Variants in COL24A1 observed in about 807,000 individuals in gnomAD.
COL24A1 encodes the protein collagen alpha-1(XXIV) chain.
In COL24A1, 224 loss-of-function variants were observed where a neutral mutation model predicts 253.9. That is an observed-to-expected ratio of 0.88 (90% CI 0.79 to 0.99). The LOEUF (loss-of-function observed/expected upper bound fraction) is 0.99, where lower values mean the gene tolerates loss of function less well. Ranked by LOEUF, COL24A1 falls within the 50% of genes least tolerant of loss-of-function variation. The probability of loss-of-function intolerance (pLI) is 0.00; values close to 1 mark genes in which losing one functional copy is unlikely to be tolerated. For synonymous variants in COL24A1, 685 were observed against 673.7 expected (o/e 1.02, Z -0.26); for missense variants, 2,131 against 2,068.5 (o/e 1.03, Z -0.59).
intron 32 of COL24A1, among the ~76,000 whole-genome samples, chr1:85,877,877 A>G (rs746501472): frequency 1.3e-5 from 2 of 152,206 alleles, no homozygotes; most frequent in East Asian, 1.9e-4. Context: ...AATATGTGAC[A>G]AACAAATTTG....
chr1:85,961,265 C>T lies in COL24A1; in HGVS notation c.2546G>A (p.Gly849Glu), dbSNP rs188551105. 1 of 1,604,526 alleles carries T rather than the reference C, an allele frequency of 6.2e-7. No individual in the cohort carries two copies. Among genetic ancestry groups the T allele is most frequent in the Non-Finnish European group, 8.5e-7 (1 of 1,172,740 alleles). The change falls in exon 24 of 60, where the codon GGA (glycine) becomes GAA (glutamate). Residue 849 changes from glycine to glutamate, a missense_variant. Transcript: ENST00000370571. Reference protein sequence around the residue: ...KGEVGDQGNIGKIGETGPVGL... With the variant: ...KGEVGDQGNIEKIGETGPVGL... ...TAAGCTTACTGTTTCACCAATTTTT[C>T]CAATATTTCCTTGATCTCCTACTTC...
At chr1:86,148,764 G>C (rs1460546265) in intron 1 of COL24A1, among the ~76,000 whole-genome samples, 2 of 152,074 alleles carry the variant, frequency 1.3e-5, no homozygotes, top group African/African-American at 2.4e-5. Flanking sequence ...GGACATTTGG[G>C]TTGGTTCCAA....
intron 24 of COL24A1, among the ~76,000 whole-genome samples, chr1:85,939,684 G>GT (rs1016108850): frequency 1.8e-4 from 27 of 151,678 alleles, no homozygotes; most frequent in Non-Finnish European, 3.8e-4. Flanking sequence ...CTTTTTATAA[G>GT]TTTTTTTTGG....
chr1:86,000,465 G>A (rs1055881962), intron 19 of COL24A1, among the ~76,000 whole-genome samples: 2 of 152,088 alleles, frequency 1.3e-5, no homozygotes, highest in African/African-American at 4.8e-5. Flanking sequence ...CATGACTTAA[G>A]TGACAATTAA....
At chr1:85,911,882 A>C (rs760136359) in intron 24 of COL24A1, among the ~76,000 whole-genome samples, 2 of 152,078 alleles carry the variant, frequency 1.3e-5, no homozygotes, top group Non-Finnish European at 2.9e-5. Context: ...TTTGGTGCCT[A>C]CTCTGTGCCA....
chr1:86,138,281 G>A (rs973209634), intron 2 of COL24A1, among the ~76,000 whole-genome samples: 1 of 152,104 alleles, frequency 6.6e-6, no homozygotes, highest in Non-Finnish European at 1.5e-5. Context: ...AGTTCTGTGA[G>A]TCCTTCTAAA....
rs74097690 is a variant in COL24A1, at chr1:86,125,318, C to T, written c.1018G>A (p.Glu340Lys). Residue 340 changes from glutamate (E) to lysine (K), a missense_variant, in exon 3 of 60, where the codon GAG becomes AAG. Physicochemically the swap from Glu to Lys is moderately conservative, Grantham distance 56. Coordinates refer to ENST00000370571, the MANE Select transcript of COL24A1 (RefSeq NM_152890.7). Reference protein sequence around the residue: ...HGIQAKEMITEEDTQTNFSLS... With the variant: ...HGIQAKEMITKEDTQTNFSLS... ...CTGAAATTTGTCTGAGTATCTTCCT[C>T]AGTGATCATTTCTTTGGCCTGAATC... 8.5e-3 allele frequency: 13,670 copies of T among 1,613,574 alleles called. 1,013 individuals carry two copies. In the African/African-American group the frequency reaches 0.16, roughly 19 times the overall value.
chr1:85,823,466 C>T (rs1272491058), intron 45 of COL24A1, 70 bp downstream of exon 45: 5 of 1,378,024 alleles, frequency 3.6e-6, no homozygotes, highest in African/African-American at 1.4e-5. Flanking sequence ...TAAATAGTAA[C>T]TCCTTGTGCT....
chr1:85,817,852 G>A (rs1435964347), intron 46 of COL24A1, among the ~76,000 whole-genome samples, 182 bp downstream of exon 46: 3 of 152,108 alleles, frequency 2.0e-5, no homozygotes, highest in East Asian at 1.9e-4. Flanking sequence ...TAAACAGCAA[G>A]TTTGGTTTTG....
chr1:86,091,037 T>C (rs1361653327), intron 6 of COL24A1, among the ~76,000 whole-genome samples: 2 of 152,084 alleles, frequency 1.3e-5, no homozygotes, highest in African/African-American at 4.8e-5. Flanking sequence ...AGTTAAGAAA[T>C]CAAATATATT....
chr1:86,063,785 C>T lies in COL24A1; in HGVS notation c.1708-26G>A, dbSNP rs1395016820. 3.3e-6 allele frequency: 5 copies of T among 1,496,112 alleles called. No homozygotes were observed. The Admixed American group carries it at 1.1e-4, about 32-fold the overall frequency. The allele number at this position is 1,496,112 out of a possible 1,614,324, so 92.7% of individuals were successfully genotyped here. A position where few individuals can be genotyped will look rare whatever the true frequency, so the allele number is the denominator to read the frequency against. ...CTGTAAAAGAATAAGTGGAGACATG[C>T]TATGAAAAGTAAACTCATATAAGCC... On this transcript the variant is annotated intron_variant, in intron 7 of 59. Coordinates refer to ENST00000370571, the MANE Select transcript of COL24A1 (RefSeq NM_152890.7).
At chr1:85,736,896 G>A (rs140933449) in intron 58 of COL24A1, among the ~76,000 whole-genome samples, 41 of 152,136 alleles carry the variant, frequency 2.7e-4, no homozygotes, top group African/African-American at 8.0e-4. Context: ...CGTTCTAAAC[G>A]TTTGATTTAT....
intron 7 of COL24A1, 100 bp downstream of exon 7, chr1:86,089,074 T>C (rs1293371612): frequency 4.0e-5 from 35 of 883,074 alleles, no homozygotes; most frequent in Non-Finnish European, 5.8e-5. Context: ...CCAAGATCCA[T>C]ATATCATCCA....
intron 28 of COL24A1, among the ~76,000 whole-genome samples, chr1:85,903,443 T>C (rs1471343049): frequency 6.6e-6 from 1 of 152,166 alleles, no homozygotes; most frequent in Non-Finnish European, 1.5e-5. Flanking sequence ...TAAGACAAAA[T>C]AAGCTTTACG....
intron 24 of COL24A1, among the ~76,000 whole-genome samples, chr1:85,947,486 T>G (rs1486003863): frequency 1.3e-5 from 2 of 152,242 alleles, no homozygotes; most frequent in African/African-American, 4.8e-5. Context: ...AACTAGAAAC[T>G]TAATGAAAAT....
chr1:85,826,835 T>C (rs1674412729), intron 43 of COL24A1, among the ~76,000 whole-genome samples: 1 of 152,212 alleles, frequency 6.6e-6, no homozygotes, highest in Non-Finnish European at 1.5e-5. Context: ...GCTGAGACAA[T>C]GGAGTTTTCT....
In COL24A1 at chr1:85,793,622, T is replaced by C. The variant is rs532768401; in HGVS notation, c.3952-7161A>G. Among the ~76,000 whole-genome samples, 9 of 152,270 alleles carry C rather than the reference T, an allele frequency of 5.9e-5. No homozygotes were observed. The South Asian group carries it at 1.2e-3, about 21-fold the overall frequency. ...TCCTGTTTCTTTCCCCTGGTTTCTA[T>C]GTGTTTTATATTTGTTTTAATTTTC... is the stretch of plus-strand genomic sequence containing the variant. On this transcript the variant is annotated intron_variant, in intron 47 of 59. Transcript: ENST00000370571.
intron 13 of COL24A1, among the ~76,000 whole-genome samples, chr1:86,032,808 GAGC>G (rs1698683958): frequency 6.6e-6 from 1 of 152,050 alleles, no homozygotes; most frequent in Non-Finnish European, 1.5e-5. Flanking sequence ...TTTAAATGAA[GAGC>G]AGATTTCAAA....
intron 12 of COL24A1, among the ~76,000 whole-genome samples, chr1:86,041,290 G>T (rs1405855610): frequency 6.6e-6 from 1 of 152,104 alleles, no homozygotes; most frequent in Admixed American, 6.6e-5. Context: ...CATTCTAAGG[G>T]TCTGAAAAAT....
Sources: gnomAD v4.1 joint callset for allele counts (sites outside exome capture counted in the v4.1 genomes callset) on GRCh38, gnomAD v4.1.1 for gene constraint, MANE v1.5 for transcripts, NCBI Gene and HGNC (gene_info 2026-07-23, HGNC 2026-07-21) for gene names.